The following CDH8 variants were observed in gnomAD, a reference collection of about 807,000 sequenced individuals.
CDH8 encodes cadherin-8.
CDH8 carries 17 observed loss-of-function variants against 68.1 expected under a neutral mutation model. The ratio of observed to expected loss-of-function variants is 0.25; its 90% CI spans 0.17 to 0.37. The LOEUF (loss-of-function observed/expected upper bound fraction) is 0.37. Among genes scored for constraint, CDH8 ranks in the 10% least tolerant of loss-of-function variants. CDH8 has a pLI of 1.00. For missense variants in CDH8, 763 were observed against 999.3 expected (o/e 0.76, Z 3.19); for synonymous variants, 372 against 365.1 (o/e 1.02, Z -0.21).
chr16:61,906,076 G>A (rs2143293667), intron 2 of CDH8, among the ~76,000 whole-genome samples: 1 of 152,094 alleles, frequency 6.6e-6, no homozygotes, highest in East Asian at 1.9e-4. Flanking sequence ...AAGAATAAGA[G>A]AGCAAGACAG....
intron 10 of CDH8, among the ~76,000 whole-genome samples, chr16:61,713,117 T>A (rs948019977): frequency 6.6e-6 from 1 of 151,650 alleles, no homozygotes; most frequent in Admixed American, 6.6e-5. Context: ...AATCAAGTTT[T>A]AAATTTTTTT....
At chr16:61,759,230 C>G (rs192800991) in intron 8 of CDH8, among the ~76,000 whole-genome samples, 26 of 152,170 alleles carry the variant, frequency 1.7e-4, no homozygotes, top group Admixed American at 1.0e-3. Context: ...ACAAAAAAGA[C>G]AGTAAACAAT....
At chr16:61,710,946 A>G (rs1030451457) in intron 10 of CDH8, 1 of 152,042 alleles carries the variant, frequency 6.6e-6, no homozygotes, top group African/African-American at 2.4e-5. Context: ...CTCTCTGCTT[A>G]TAAATTCAGC....
At chr16:61,847,739 T>C (rs954827359) in intron 4 of CDH8, among the ~76,000 whole-genome samples, 4 of 151,792 alleles carry the variant, frequency 2.6e-5, no homozygotes, top group African/African-American at 4.8e-5. Context: ...TGAAAGAATA[T>C]ATTCCATATA....
intron 11 of CDH8, among the ~76,000 whole-genome samples, chr16:61,655,227 G>C (rs1692683350): frequency 6.6e-6 from 1 of 152,096 alleles, no homozygotes; most frequent in Non-Finnish European, 1.5e-5. Context: ...ATTATGCCTT[G>C]TTCATCGCTT....
At chr16:61,950,951 T>C (rs1964886716) in intron 2 of CDH8, among the ~76,000 whole-genome samples, 1 of 152,076 alleles carries the variant, frequency 6.6e-6, no homozygotes, top group African/African-American at 2.4e-5. Context: ...GTACCAGGCT[T>C]AATACCTGAG....
chr16:61,873,677 A>T (rs1219351862), intron 3 of CDH8, among the ~76,000 whole-genome samples: 1 of 152,090 alleles, frequency 6.6e-6, no homozygotes, highest in Non-Finnish European at 1.5e-5. Context: ...GTGATATGTG[A>T]TATAACTCTG....
intron 8 of CDH8, among the ~76,000 whole-genome samples, chr16:61,740,799 C>T (rs1243042254): frequency 6.6e-6 from 1 of 151,980 alleles, no homozygotes; most frequent in Non-Finnish European, 1.5e-5. Flanking sequence ...TATTGGTGGG[C>T]ATTTGGGTTC....
chr16:61,794,097 G>A (rs918256076), intron 7 of CDH8, among the ~76,000 whole-genome samples: 15 of 152,018 alleles, frequency 9.9e-5, no homozygotes, highest in Non-Finnish European at 1.8e-4. Flanking sequence ...GACCTTCCCT[G>A]AAAGCCAGAG....
chr16:61,893,994 G>A (rs1194216756), intron 3 of CDH8, among the ~76,000 whole-genome samples: 1 of 151,944 alleles, frequency 6.6e-6, no homozygotes, highest in Admixed American at 6.6e-5. Flanking sequence ...TAAAATTTTG[G>A]GTTAATAGTT....
chr16:61,851,877 A>G (rs1191917145), intron 4 of CDH8, among the ~76,000 whole-genome samples: 3 of 151,986 alleles, frequency 2.0e-5, no homozygotes, highest in Non-Finnish European at 4.4e-5. Flanking sequence ...ATTCCCAGGT[A>G]TGAACTATAC....
chr16:61,907,710 A>C (rs911594331), intron 2 of CDH8, among the ~76,000 whole-genome samples: 56 of 151,326 alleles, frequency 3.7e-4, no homozygotes, highest in Non-Finnish European at 6.8e-4. Context: ...AAAGAAATAT[A>C]TAACTTACTG....
intron 4 of CDH8, among the ~76,000 whole-genome samples, chr16:61,850,987 T>C (rs988865248): frequency 6.6e-6 from 1 of 152,104 alleles, no homozygotes; most frequent in African/African-American, 2.4e-5. Flanking sequence ...TATAAATGTA[T>C]ATCCCAGCAT....
chr16:61,662,520 A>G (rs1234996475), intron 10 of CDH8, among the ~76,000 whole-genome samples: 1 of 151,830 alleles, frequency 6.6e-6, no homozygotes, highest in Non-Finnish European at 1.5e-5. Context: ...TTGAGGGTAA[A>G]ACAACAGTTT....
intron 8 of CDH8, among the ~76,000 whole-genome samples, chr16:61,740,344 A>G (rs1306627318): frequency 1.3e-5 from 2 of 152,172 alleles, no homozygotes; most frequent in Non-Finnish European, 2.9e-5. Flanking sequence ...TTTAATAGTC[A>G]TATATTTTTG....
chr16:61,995,918 T>A (rs1965798855), intron 2 of CDH8, among the ~76,000 whole-genome samples: 1 of 152,214 alleles, frequency 6.6e-6, no homozygotes. Context: ...TCTGAACCAC[T>A]TTCCTCCTAC....
chr16:61,980,916 C>T (rs1965519393), intron 2 of CDH8, among the ~76,000 whole-genome samples: 1 of 152,066 alleles, frequency 6.6e-6, no homozygotes, highest in African/African-American at 2.4e-5. Context: ...GATCTGGATT[C>T]GAAGTCAAGT....
intron 2 of CDH8, among the ~76,000 whole-genome samples, chr16:61,941,909 C>T (rs185835589): frequency 2.0e-5 from 3 of 152,294 alleles, no homozygotes; most frequent in Admixed American, 2.0e-4. Context: ...GATCTTATCT[C>T]ATCCTTTGAT....
In CDH8 at chr16:62,028,348, G is replaced by A. The variant is rs1009132535; in HGVS notation, c.-199-6746C>T. On this transcript the variant is annotated intron_variant, in intron 1 of 11. Transcript: ENST00000577390. ...CTCTCAAAGTGCTGGGATTACAGACGTGAGCCACCGCGACCGGCCTCAAAT... is the reference window on the plus strand; with the variant it reads ...CTCTCAAAGTGCTGGGATTACAGACATGAGCCACCGCGACCGGCCTCAAAT... Among the ~76,000 whole-genome samples, 8 of 152,036 alleles carry A rather than the reference G, an allele frequency of 5.3e-5. No individual in the cohort carries two copies. The South Asian group carries it at 1.3e-3, about 24-fold the overall frequency.
Sources: gnomAD v4.1 joint callset for allele counts (sites outside exome capture counted in the v4.1 genomes callset) on GRCh38, gnomAD v4.1.1 for gene constraint, MANE v1.5 for transcripts, NCBI Gene and HGNC (gene_info 2026-07-23, HGNC 2026-07-21) for gene names.